NALF1: variants seen among roughly 807,000 people sequenced by gnomAD.
NALF1 encodes the protein family with sequence similarity 155 member A.
A neutral mutation model predicts 48.4 loss-of-function variants in NALF1; 3 were observed. The observed-to-expected ratio is 0.06, with a 90% confidence interval of 0.03 to 0.16. The LOEUF is 0.16. NALF1 is among the 10% of genes least tolerant of loss of function. The probability of loss-of-function intolerance (pLI) is 1.00; values close to 1 mark genes in which losing one functional copy is unlikely to be tolerated. For synonymous variants in NALF1, 262 were observed against 245.7 expected (o/e 1.07, Z -0.62); for missense variants, 526 against 571.5 (o/e 0.92, Z 0.81).
At chr13:107,731,315 T>A (rs1876302050) in intron 1 of NALF1, among the ~76,000 whole-genome samples, 1 of 152,178 alleles carries the variant, frequency 6.6e-6, no homozygotes, top group Non-Finnish European at 1.5e-5. Flanking sequence ...ACAGTAGCTT[T>A]TATATATATG....
At chr13:107,337,136 T>C (rs1445658331) in intron 1 of NALF1, among the ~76,000 whole-genome samples, 3 of 148,070 alleles carry the variant, frequency 2.0e-5, no homozygotes, top group Non-Finnish European at 3.0e-5. Context: ...CTTTGGAAAA[T>C]GTAAGTATCT....
At chr13:107,840,637 C>T (rs1436372449) in intron 1 of NALF1, among the ~76,000 whole-genome samples, 3 of 152,168 alleles carry the variant, frequency 2.0e-5, no homozygotes, top group Admixed American at 6.5e-5. Context: ...AAATTAGTTT[C>T]GGATACTCGG....
chr13:107,725,975 G>A (rs779666166), intron 1 of NALF1, among the ~76,000 whole-genome samples: 6 of 152,120 alleles, frequency 3.9e-5, no homozygotes, highest in Non-Finnish European at 1.5e-5. Flanking sequence ...CAATTGAGTA[G>A]ACATTTTTCG....
chr13:107,284,091 C>G (rs1393447692), intron 1 of NALF1, among the ~76,000 whole-genome samples: 1 of 152,116 alleles, frequency 6.6e-6, no homozygotes, highest in Non-Finnish European at 1.5e-5. Context: ...AGGATTATGG[C>G]TGACATACGA....
At chr13:107,587,847 C>T (rs1317358207) in intron 1 of NALF1, among the ~76,000 whole-genome samples, 1 of 152,126 alleles carries the variant, frequency 6.6e-6, no homozygotes, top group Non-Finnish European at 1.5e-5. Context: ...GCACAGCTCT[C>T]TCACATGGAT....
At chr13:107,761,327 A>C (rs1258128880) in intron 1 of NALF1, among the ~76,000 whole-genome samples, 6 of 151,728 alleles carry the variant, frequency 4.0e-5, no homozygotes, top group Admixed American at 3.9e-4. Context: ...ACTGCACCCC[A>C]GCCTGAGCGA....
At chr13:107,602,962 G>A (rs1878970768) in intron 1 of NALF1, among the ~76,000 whole-genome samples, 4 of 152,170 alleles carry the variant, frequency 2.6e-5, no homozygotes, top group Admixed American at 6.5e-5. Flanking sequence ...GTGGAAAAAC[G>A]GACAGGGCAA....
At position 107,630,512 on chromosome 13, in the gene NALF1, C is replaced by G. The variant is rs528936215; in HGVS notation, c.915+235170G>C. ...TTTGTACAAATATATAATTTTTAAC[C>G]ATTAGAGCCCCTAAAAGCAGAAATA... On this transcript the variant is annotated intron_variant, in intron 1 of 2. Coordinates refer to ENST00000375915, the MANE Select transcript of NALF1 (RefSeq NM_001080396.3). Among the ~76,000 whole-genome samples, 122 of 152,158 alleles carry G rather than the reference C, an allele frequency of 8.0e-4. 1 individual carries two copies. The highest frequency in any genetic ancestry group is 2.4e-3 in the African/African-American group (101 of 41,514).
rs1272729422 is a variant in NALF1, at chr13:107,782,466, G to A, written c.915+83216C>T. On this transcript the variant is annotated intron_variant, in intron 1 of 2. Coordinates refer to ENST00000375915, the MANE Select transcript of NALF1 (RefSeq NM_001080396.3). ...AGTGCCCAGAGTGCAGCCTCTGCCC[G>A]GCCGCCACCCCGTCTAGGAAGTGAG... Among the ~76,000 whole-genome samples the A allele has an allele frequency of 7.4e-3, 1,132 of 152,192 alleles. 2 individuals carry two copies. Among genetic ancestry groups the A allele is most frequent in the Non-Finnish European group, 0.013 (864 of 67,998 alleles).
intron 1 of NALF1, among the ~76,000 whole-genome samples, chr13:107,838,330 A>G (rs993364911): frequency 6.6e-6 from 1 of 152,216 alleles, no homozygotes; most frequent in Non-Finnish European, 1.5e-5. Context: ...AAACAATAAC[A>G]TCTGAAATGC....
At chr13:107,832,728 C>T (rs561408633) in intron 1 of NALF1, among the ~76,000 whole-genome samples, 1 of 152,196 alleles carries the variant, frequency 6.6e-6, no homozygotes, top group African/African-American at 2.4e-5. Context: ...CCCTTACAGG[C>T]CCCATCTGGT....
In NALF1 at chr13:107,170,153, T is replaced by C. The variant is rs1594052449; in HGVS notation, c.*344A>G. 4.6e-6 allele frequency: 1 copy of C among 215,534 alleles called. No homozygotes were observed. The highest frequency in any genetic ancestry group is 1.0e-4 in the East Asian group (1 of 9,830). 13.4% of individuals were successfully genotyped at this position (215,534 alleles called of 1,614,324 possible). A position where few individuals can be genotyped will look rare whatever the true frequency, so the allele number is the denominator to read the frequency against. ...ATAGAGACAGTGAAAAGACTTAGTTTACCTCTGAGAAACCATCCCCCAAAA... is the reference window on the plus strand; with the variant it reads ...ATAGAGACAGTGAAAAGACTTAGTTCACCTCTGAGAAACCATCCCCCAAAA... On this transcript the variant is annotated 3_prime_UTR_variant, in exon 3 of 3. Coordinates refer to ENST00000375915, the MANE Select transcript of NALF1 (RefSeq NM_001080396.3).
At chr13:107,289,362 C>T (rs1160560338) in intron 1 of NALF1, among the ~76,000 whole-genome samples, 1 of 152,140 alleles carries the variant, frequency 6.6e-6, no homozygotes, top group Non-Finnish European at 1.5e-5. Flanking sequence ...TGTTTAATCC[C>T]CATGACTTAG....
At position 107,199,774 on chromosome 13, in the gene NALF1, A is replaced by G. The variant is rs929554750; in HGVS notation, c.1087+10810T>C. Among the ~76,000 whole-genome samples the G allele has an allele frequency of 2.0e-5, 3 of 152,150 alleles. No individual in the cohort carries two copies. In the South Asian group the frequency reaches 6.2e-4, roughly 32 times the overall value. On this transcript the variant is annotated intron_variant, in intron 2 of 2. Transcript: ENST00000375915. ...GGACAAAAAACAGCTTTGACATGAA[A>G]TACTGAGATGCTTCTTTCTGACTCC...
At chr13:107,791,216 T>C (rs1014075754) in intron 1 of NALF1, among the ~76,000 whole-genome samples, 15 of 152,188 alleles carry the variant, frequency 9.9e-5, no homozygotes, top group African/African-American at 3.6e-4. Flanking sequence ...AGTTTGGCAA[T>C]ATTTATCAAA....
At chr13:107,325,879 T>TATATACAC (rs1474443051) in intron 1 of NALF1, among the ~76,000 whole-genome samples, 23 of 105,986 alleles carry the variant, frequency 2.2e-4, no homozygotes, top group Non-Finnish European at 2.4e-4. Flanking sequence ...TATATATATA[T>TATATACAC]ATATATATAC....
intron 1 of NALF1, among the ~76,000 whole-genome samples, chr13:107,407,021 A>ATAG (rs1190168361): frequency 1.3e-5 from 2 of 152,022 alleles, no homozygotes; most frequent in African/African-American, 4.8e-5. Flanking sequence ...TCTGGAAAAG[A>ATAG]TAGTCTTTTC....
At chr13:107,260,620 T>C (rs1880911282) in intron 1 of NALF1, among the ~76,000 whole-genome samples, 2 of 152,354 alleles carry the variant, frequency 1.3e-5, no homozygotes, top group African/African-American at 2.4e-5. Flanking sequence ...GACTGATGTA[T>C]TGGCTTATTT....
chr13:107,235,443 C>A (rs992294232), intron 1 of NALF1, among the ~76,000 whole-genome samples: 1 of 152,012 alleles, frequency 6.6e-6, no homozygotes, highest in African/African-American at 2.4e-5. Context: ...TGAAAGGATA[C>A]CAAAATCCAT....
Sources: allele counts gnomAD v4.1 joint callset (sites outside exome capture counted in the v4.1 genomes callset), GRCh38; gene constraint gnomAD v4.1.1; transcripts MANE v1.5; gene names NCBI Gene and HGNC (gene_info 2026-07-23, HGNC 2026-07-21).